The following PIP5K1B variants were observed in gnomAD, a reference collection of about 807,000 sequenced individuals.
The protein encoded by PIP5K1B is phosphatidylinositol-4-phosphate 5-kinase type 1 beta, also known as phosphatidylinositol 4-phosphate 5-kinase type-1 beta.
In PIP5K1B, 42 loss-of-function variants were observed where a neutral mutation model predicts 67.0. The observed-to-expected ratio is 0.63, with a 90% confidence interval of 0.49 to 0.81. PIP5K1B has a LOEUF of 0.81. PIP5K1B is among the 30% of genes least tolerant of loss of function. The probability of loss-of-function intolerance (pLI) is 0.00; values close to 1 mark genes in which losing one functional copy is unlikely to be tolerated. For missense variants in PIP5K1B, 459 were observed against 646.3 expected (o/e 0.71, Z 3.14); for synonymous variants, 214 against 231.4 (o/e 0.92, Z 0.68).
chr9:68,722,058 C>G (rs1281355765), intron 1 of PIP5K1B, among the ~76,000 whole-genome samples: 1 of 152,096 alleles, frequency 6.6e-6, no homozygotes, highest in Non-Finnish European at 1.5e-5. Context: ...TCCTCTTGCT[C>G]CTGTGACTCT....
Position 68,990,852 on chromosome 9 carries a change from C to T in PIP5K1B, c.1503-288C>T, listed in dbSNP as rs533624927. 1.3e-3 allele frequency among the ~76,000 whole-genome samples: 200 copies of T among 151,808 alleles called. 1 individual carries two copies. Among genetic ancestry groups the T allele is most frequent in the African/African-American group, 4.5e-3 (187 of 41,388 alleles). ...CTAATTTTTGTATTTTTAGTAGAGA[C>T]GGGGTTTCACCATGTTGGCCAGGAT... On this transcript the variant is annotated intron_variant, in intron 14 of 15. Coordinates refer to ENST00000265382, the MANE Select transcript of PIP5K1B (RefSeq NM_003558.4).
At chr9:68,990,659 C>T (rs1469331320) in intron 14 of PIP5K1B, among the ~76,000 whole-genome samples, 2 of 135,592 alleles carry the variant, frequency 1.5e-5, no homozygotes, top group Non-Finnish European at 3.3e-5. Flanking sequence ...TCTAGTAAAA[C>T]TGAATACTAT....
intron 2 of PIP5K1B, among the ~76,000 whole-genome samples, chr9:68,772,868 T>C (rs539330422): frequency 6.6e-6 from 1 of 152,316 alleles, no homozygotes; most frequent in African/African-American, 2.4e-5. Context: ...CATTTTGCGA[T>C]CACAGCACTG....
At chr9:68,866,603 G>A (rs185809744) in intron 5 of PIP5K1B, among the ~76,000 whole-genome samples, 2 of 152,272 alleles carry the variant, frequency 1.3e-5, no homozygotes, top group African/African-American at 2.4e-5. Flanking sequence ...TAAATTGTCC[G>A]ATAGAGAACT....
chr9:68,750,818 T>C (rs1187568255), intron 2 of PIP5K1B, among the ~76,000 whole-genome samples: 1 of 152,150 alleles, frequency 6.6e-6, no homozygotes, highest in Admixed American at 6.5e-5. Flanking sequence ...GGGCAGGTTG[T>C]GATATTAGAG....
At chr9:68,899,724 C>T (rs1564216375) in intron 8 of PIP5K1B, among the ~76,000 whole-genome samples, 1 of 152,088 alleles carries the variant, frequency 6.6e-6, no homozygotes, top group Non-Finnish European at 1.5e-5. Context: ...GTGAGTTTTC[C>T]CATGGAAGCA....
At chr9:68,770,969 T>G (rs1830648246) in intron 2 of PIP5K1B, among the ~76,000 whole-genome samples, 1 of 152,210 alleles carries the variant, frequency 6.6e-6, no homozygotes, top group Non-Finnish European at 1.5e-5. Flanking sequence ...ATTTGAGAGA[T>G]ATCAGCATAT....
At chr9:68,925,795 A>T (rs886182665) in intron 12 of PIP5K1B, among the ~76,000 whole-genome samples, 14 of 73,278 alleles carry the variant, frequency 1.9e-4, no homozygotes, top group South Asian at 1.3e-3. Flanking sequence ...TGTGGTTCCA[A>T]TTTTTTTTTT....
chr9:68,820,092 T>A (rs751775388), intron 3 of PIP5K1B, among the ~76,000 whole-genome samples: 5 of 152,232 alleles, frequency 3.3e-5, no homozygotes, highest in Non-Finnish European at 7.3e-5. Context: ...CCTTCAGAGT[T>A]GCTCTTGTAG....
chr9:69,006,360 A>G (rs7019661), intron 15 of PIP5K1B, among the ~76,000 whole-genome samples: 28,648 of 151,952 alleles, frequency 0.19, 3,313 homozygotes, highest in East Asian at 0.37. Flanking sequence ...GGGGGAGGAC[A>G]TAAATTTCAG....
chr9:68,924,473 TA>T (rs1001166560), intron 12 of PIP5K1B, among the ~76,000 whole-genome samples: 1 of 133,196 alleles, frequency 7.5e-6, no homozygotes, highest in Non-Finnish European at 1.6e-5. Context: ...AAACCTTGAA[TA>T]ACTAGAAACA....
intron 2 of PIP5K1B, among the ~76,000 whole-genome samples, chr9:68,757,995 G>T (rs527401325): frequency 1.3e-5 from 2 of 152,264 alleles, no homozygotes; most frequent in African/African-American, 4.8e-5. Flanking sequence ...GGTAAATCTG[G>T]TTCCTGTTAC....
At chr9:68,856,192 G>T (rs915722554) in intron 4 of PIP5K1B, among the ~76,000 whole-genome samples, 10 of 152,092 alleles carry the variant, frequency 6.6e-5, no homozygotes, top group Non-Finnish European at 1.5e-5. Context: ...TCCAGTTCTG[G>T]CACTTTCCCT....
intron 15 of PIP5K1B, among the ~76,000 whole-genome samples, chr9:68,995,665 C>T (rs112463598): frequency 0.028 from 4,305 of 152,014 alleles, 200 homozygotes; most frequent in African/African-American, 0.097. Context: ...ATTAGCTAGG[C>T]GTGGTGGTGC....
At chr9:68,981,293 G>A (rs981974244) in intron 14 of PIP5K1B, among the ~76,000 whole-genome samples, 5 of 152,254 alleles carry the variant, frequency 3.3e-5, no homozygotes, top group African/African-American at 1.2e-4. Context: ...AATATAAATA[G>A]CAAATGTTGG....
At chr9:68,961,066 C>T (rs1291608246) in intron 14 of PIP5K1B, among the ~76,000 whole-genome samples, 7 of 151,882 alleles carry the variant, frequency 4.6e-5, no homozygotes, top group Non-Finnish European at 7.4e-5. Flanking sequence ...AAATATTAGC[C>T]GGGCGCGGTG....
At chr9:68,711,485 C>T (rs772389581) in intron 1 of PIP5K1B, among the ~76,000 whole-genome samples, 9 of 152,212 alleles carry the variant, frequency 5.9e-5, no homozygotes, top group South Asian at 2.1e-4. Context: ...TGGAACTTGG[C>T]ACTGTGTCTG....
At chr9:68,828,571 C>T (rs1311991389) in intron 4 of PIP5K1B, among the ~76,000 whole-genome samples, 1 of 152,206 alleles carries the variant, frequency 6.6e-6, no homozygotes, top group African/African-American at 2.4e-5. Context: ...GAAATAGTAC[C>T]TGACCGTGAC....
At chr9:68,782,165 A>G (rs1043009586) in intron 2 of PIP5K1B, 1 of 167,110 alleles carries the variant, frequency 6.0e-6, no homozygotes, top group Non-Finnish European at 1.5e-5. Flanking sequence ...ACAAAGGTAC[A>G]GTGTAACTTG....
Sources: allele counts gnomAD v4.1 joint callset (sites outside exome capture counted in the v4.1 genomes callset), GRCh38; gene constraint gnomAD v4.1.1; transcripts MANE v1.5; gene names NCBI Gene and HGNC (gene_info 2026-07-23, HGNC 2026-07-21).